Variants in TSC22D1 observed in about 807,000 individuals in gnomAD.
The protein encoded by TSC22D1 is TSC22 domain family member 1, also known as TSC22 domain family protein 1.
A neutral mutation model predicts 74.2 loss-of-function variants in TSC22D1; 9 were observed. The observed-to-expected ratio is 0.12, with a 90% confidence interval of 0.07 to 0.21. The LOEUF (loss-of-function observed/expected upper bound fraction) is 0.21, where lower values mean the gene tolerates loss of function less well. Among genes scored for constraint, TSC22D1 ranks in the 10% least tolerant of loss-of-function variants. TSC22D1 has a pLI of 1.00. For missense variants in TSC22D1, 1,427 were observed against 1,304.7 expected (o/e 1.09, Z -1.44); for synonymous variants, 586 against 492.5 (o/e 1.19, Z -2.51).
chr13:44,543,162 A>C (rs1358256888), intron 1 of TSC22D1, among the ~76,000 whole-genome samples: 3 of 152,208 alleles, frequency 2.0e-5, no homozygotes, highest in Non-Finnish European at 4.4e-5. Context: ...GCAGTATTTT[A>C]TATATAAATA....
At chr13:44,472,739 G>A (rs1877677563) in intron 1 of TSC22D1, among the ~76,000 whole-genome samples, 1 of 152,212 alleles carries the variant, frequency 6.6e-6, no homozygotes, top group Non-Finnish European at 1.5e-5. Context: ...GAGCCTGGGA[G>A]GTTGAGACTG....
At chr13:44,491,219 C>A (rs1027527400) in intron 1 of TSC22D1, among the ~76,000 whole-genome samples, 1 of 151,526 alleles carries the variant, frequency 6.6e-6, no homozygotes, top group Non-Finnish European at 1.5e-5. Context: ...AGGCATACCA[C>A]AAATGAGGCA....
At chr13:44,447,286 C>T (rs1047828871) in intron 1 of TSC22D1, among the ~76,000 whole-genome samples, 19 of 151,928 alleles carry the variant, frequency 1.3e-4, no homozygotes, top group African/African-American at 4.3e-4. Flanking sequence ...GCCCAGCCTA[C>T]ATGTAGTATT....
intron 1 of TSC22D1, among the ~76,000 whole-genome samples, chr13:44,437,721 A>G (rs559110756): frequency 6.6e-6 from 1 of 152,328 alleles, no homozygotes; most frequent in South Asian, 2.1e-4. Flanking sequence ...AAGCTGAGTG[A>G]CAATTCCTCT....
chr13:44,493,254 C>G (rs1423830925), intron 1 of TSC22D1, among the ~76,000 whole-genome samples: 1 of 152,184 alleles, frequency 6.6e-6, no homozygotes, highest in Non-Finnish European at 1.5e-5. Flanking sequence ...ACAATGGCAG[C>G]CCACATTTCC....
At chr13:44,522,685 C>T (rs1347630918) in intron 1 of TSC22D1, among the ~76,000 whole-genome samples, 1 of 152,108 alleles carries the variant, frequency 6.6e-6, no homozygotes, top group African/African-American at 2.4e-5. Flanking sequence ...CAAAAGTTAA[C>T]TCAGAAAGTA....
intron 1 of TSC22D1, among the ~76,000 whole-genome samples, chr13:44,570,356 A>G (rs1370843169): frequency 2.0e-5 from 3 of 151,668 alleles, no homozygotes; most frequent in African/African-American, 7.3e-5. Context: ...ATGCCTGGCT[A>G]ATTTTTGTAT....
At chr13:44,557,551 C>T (rs1566174137) in intron 1 of TSC22D1, among the ~76,000 whole-genome samples, 1 of 152,190 alleles carries the variant, frequency 6.6e-6, no homozygotes, top group Admixed American at 6.5e-5. Flanking sequence ...TTAAAGCATT[C>T]ATATAAACTA....
chr13:44,569,997 C>A (rs1225329831), intron 1 of TSC22D1, among the ~76,000 whole-genome samples: 1 of 152,052 alleles, frequency 6.6e-6, no homozygotes. Context: ...GAAACAATGT[C>A]CCCTGAGTGA....
intron 1 of TSC22D1, among the ~76,000 whole-genome samples, chr13:44,502,325 G>C (rs1879256792): frequency 6.6e-6 from 1 of 152,134 alleles, no homozygotes; most frequent in African/African-American, 2.4e-5. Flanking sequence ...TCTCACCTCT[G>C]ATTAATTAAA....
At chr13:44,543,559 A>C (rs1301684516) in intron 1 of TSC22D1, among the ~76,000 whole-genome samples, 1 of 152,232 alleles carries the variant, frequency 6.6e-6, no homozygotes, top group African/African-American at 2.4e-5. Context: ...TAAGTATCCA[A>C]AACAGTCCTA....
chr13:44,547,747 A>AC (rs1881923217), intron 1 of TSC22D1, among the ~76,000 whole-genome samples: 1 of 152,164 alleles, frequency 6.6e-6, no homozygotes. Flanking sequence ...TTTTTAACTT[A>AC]CTGAGAGCTT....
chr13:44,454,802 G>A (rs1027279319), intron 1 of TSC22D1, among the ~76,000 whole-genome samples: 1 of 151,956 alleles, frequency 6.6e-6, no homozygotes, highest in South Asian at 2.1e-4. Flanking sequence ...GACTTGATAA[G>A]GTCATACTCA....
At chr13:44,479,411 C>A (rs1453764214) in intron 1 of TSC22D1, among the ~76,000 whole-genome samples, 28 of 151,236 alleles carry the variant, frequency 1.9e-4, no homozygotes, top group Non-Finnish European at 1.6e-4. Context: ...TCCAGCGTGG[C>A]CCAGGGAAAC....
chr13:44,569,735 TA>T (rs1445507313), intron 1 of TSC22D1, among the ~76,000 whole-genome samples: 4 of 152,350 alleles, frequency 2.6e-5, no homozygotes, highest in Admixed American at 6.5e-5. Flanking sequence ...CAAGTCTTTT[TA>T]TTCAGTTCTT....
At chr13:44,509,950 C>CAAAAAAAAAAAAAAAAAAAAAAAG in intron 1 of TSC22D1, among the ~76,000 whole-genome samples, 17 of 51,430 alleles carry the variant, frequency 3.3e-4, no homozygotes, top group South Asian at 9.9e-4. Flanking sequence ...AGAAAATAAG[C>CAAAAAAAAAAAAAAAAAAAAAAAG]AAAAAAAAAA....
chr13:44,567,078 G>A (rs1480967083), intron 1 of TSC22D1, among the ~76,000 whole-genome samples: 1 of 152,180 alleles, frequency 6.6e-6, no homozygotes, highest in Non-Finnish European at 1.5e-5. Context: ...CAGGACTAAG[G>A]AAATCAGGCA....
At chr13:44,552,204 A>C (rs1388469499) in intron 1 of TSC22D1, among the ~76,000 whole-genome samples, 1 of 152,226 alleles carries the variant, frequency 6.6e-6, no homozygotes, top group African/African-American at 2.4e-5. Context: ...AAATGACTTC[A>C]AGGTTTCTCC....
intron 1 of TSC22D1, among the ~76,000 whole-genome samples, chr13:44,457,232 T>A (rs1305879914): frequency 6.6e-6 from 1 of 152,254 alleles, no homozygotes; most frequent in Non-Finnish European, 1.5e-5. Context: ...CTCAAACATG[T>A]AACAGCTACC....
Sources: gnomAD v4.1 joint callset for allele counts (sites outside exome capture counted in the v4.1 genomes callset) on GRCh38, gnomAD v4.1.1 for gene constraint, MANE v1.5 for transcripts, NCBI Gene and HGNC (gene_info 2026-07-23, HGNC 2026-07-21) for gene names.